CEP350: variants seen among roughly 807,000 people sequenced by gnomAD.
The protein encoded by CEP350 is centrosome-associated protein 350.
Under a neutral mutation model 331.8 loss-of-function variants are expected in CEP350, and 126 were observed. That is an observed-to-expected ratio of 0.38 (90% CI 0.33 to 0.44). The LOEUF (loss-of-function observed/expected upper bound fraction) is 0.44, where lower values mean the gene tolerates loss of function less well. Ranked by LOEUF, CEP350 falls within the 20% of genes least tolerant of loss-of-function variation. The probability of loss-of-function intolerance (pLI) is 1.00; values close to 1 mark genes in which losing one functional copy is unlikely to be tolerated. For synonymous variants in CEP350, 1,200 were observed against 1,259.5 expected, an observed-to-expected ratio of 0.95 and a Z score of 1.00; for missense variants, 3,406 against 3,634.6, an observed-to-expected ratio of 0.94 and a Z score of 1.62.
intron 1 of CEP350, among the ~76,000 whole-genome samples, chr1:179,964,577 A>G (rs1354721971): frequency 1.3e-5 from 2 of 152,086 alleles, no homozygotes; most frequent in African/African-American, 4.8e-5. Flanking sequence ...TGATCTGTTC[A>G]GGATTTCAGT....
At chr1:180,015,584 T>G (rs1300741864) in intron 10 of CEP350, among the ~76,000 whole-genome samples, 2 of 152,308 alleles carry the variant, frequency 1.3e-5, no homozygotes, top group Admixed American at 1.3e-4. Flanking sequence ...TTGCCCACAC[T>G]GGTCTTGAAC....
At chr1:179,968,464 G>A (rs1272894420) in intron 1 of CEP350, among the ~76,000 whole-genome samples, 2 of 152,190 alleles carry the variant, frequency 1.3e-5, no homozygotes, top group Non-Finnish European at 2.9e-5. Flanking sequence ...TCATAAAGAG[G>A]AAGCAAGTAT....
chr1:180,026,285 A>AG (rs1655668230), intron 14 of CEP350, among the ~76,000 whole-genome samples: 1 of 150,796 alleles, frequency 6.6e-6, no homozygotes, highest in Non-Finnish European at 1.5e-5. Context: ...AAAAAAAAAA[A>AG]GTATTTATTT....
intron 1 of CEP350, among the ~76,000 whole-genome samples, chr1:179,967,626 G>A (rs764251695): frequency 6.6e-6 from 1 of 152,014 alleles, no homozygotes; most frequent in Non-Finnish European, 1.5e-5. Flanking sequence ...TGGCCAGGCT[G>A]GTCTCCAACT....
At chr1:180,053,435 A>G (rs906610363) in intron 23 of CEP350, among the ~76,000 whole-genome samples, 2 of 152,174 alleles carry the variant, frequency 1.3e-5, no homozygotes, top group Non-Finnish European at 2.9e-5. Flanking sequence ...CTCTTCTAAT[A>G]CTTTATTCCA....
chr1:179,983,897 A>T (rs1652464244), intron 1 of CEP350, among the ~76,000 whole-genome samples: 1 of 152,236 alleles, frequency 6.6e-6, no homozygotes, highest in Non-Finnish European at 1.5e-5. Context: ...TAAGGTTAAG[A>T]TATAGAGCAG....
Position 180,068,731 on chromosome 1 carries a change from A to G in CEP350, c.5567+3459A>G, listed in dbSNP as rs546139352. ...CATATTATTTATTAATTATACACTT[A>G]CTCTCTCAGCAATTGTTTATTGATT... is the stretch of plus-strand genomic sequence containing the variant. On this transcript the variant is annotated intron_variant, in intron 27 of 37. Transcript: ENST00000367607. Among the ~76,000 whole-genome samples, 13 of 152,142 alleles carry G rather than the reference A, an allele frequency of 8.5e-5. No homozygotes were observed. The South Asian group carries it at 2.5e-3, about 29-fold the overall frequency.
At chr1:180,091,469 C>T (rs1660193252) in intron 33 of CEP350, among the ~76,000 whole-genome samples, 2 of 152,072 alleles carry the variant, frequency 1.3e-5, no homozygotes, top group Non-Finnish European at 2.9e-5. Flanking sequence ...ATATTTTCAG[C>T]CTAACTATTT....
chr1:180,045,263 A>T (rs1330461267), intron 21 of CEP350, among the ~76,000 whole-genome samples: 1 of 152,132 alleles, frequency 6.6e-6, no homozygotes, highest in Admixed American at 6.5e-5. Context: ...AATCTCTTGA[A>T]CTAGGGAGGC....
rs1653471962 is a variant in CEP350, at chr1:179,996,588, G to T, written c.431G>T (p.Ser144Ile). The T allele has an allele frequency of 6.3e-7, 1 of 1,583,352 alleles. No individual in the cohort carries two copies. ...IHGAPSNFSSSHLESKHVYCV... is the reference protein window; with the variant it reads ...IHGAPSNFSSIHLESKHVYCV... ...GGTGCACCTTCCAATTTCAGTTCCA[G>T]CCATCTGGAATCAAAGCACGTATAC... Residue 144 changes from serine to isoleucine, a missense_variant, in exon 6 of 38, where the codon AGC (serine) becomes ATC (isoleucine). Coordinates refer to ENST00000367607, the MANE Select transcript of CEP350 (RefSeq NM_014810.5).
chr1:179,999,969 A>G (rs1483252871), intron 6 of CEP350, among the ~76,000 whole-genome samples: 2 of 152,262 alleles, frequency 1.3e-5, no homozygotes, highest in Non-Finnish European at 2.9e-5. Context: ...TCTTCCTGGT[A>G]TAAATGCCCA....
chr1:179,955,035 G>C lies in CEP350; in HGVS notation c.-121G>C, dbSNP rs1278663094. ...GCACCCGGTGCGTCCCCGGAGCGGG[G>C]AGGCCAGGCCGGGCAGCCCTGGGGC... On this transcript the variant is annotated 5_prime_UTR_variant, in exon 1 of 38. Transcript: ENST00000367607. The C allele has an allele frequency of 1.5e-6, 2 of 1,339,068 alleles. No individual in the cohort carries two copies. The highest frequency in any genetic ancestry group is 1.9e-6 in the Non-Finnish European group (2 of 1,044,788). The allele number at this position is 1,339,068 out of a possible 1,614,324, so 82.9% of individuals were successfully genotyped here.
intron 25 of CEP350, among the ~76,000 whole-genome samples, chr1:180,057,676 G>A (rs1386864124): frequency 6.6e-6 from 1 of 151,860 alleles, no homozygotes; most frequent in African/African-American, 2.4e-5. Flanking sequence ...TTTTATGAGA[G>A]TTTTCTTTTG....
Position 180,052,987 on chromosome 1 carries a change from A to G in CEP350, c.4810A>G (p.Thr1604Ala). 1 of 1,375,708 alleles carries G rather than the reference A, an allele frequency of 7.3e-7. No homozygotes were observed. Among genetic ancestry groups the G allele is most frequent in the Non-Finnish European group, 1.0e-6 (1 of 976,680 alleles). The allele number at this position is 1,375,708 out of a possible 1,614,324, so 85.2% of individuals were successfully genotyped here. ...PDEKDSTSIA[T>A]EYSLKFDESM... ...TCTTTTAGACTCAACGTCTATTGCA[A>G]CAGAATATTCTCTGAAATTTGATGA... The change falls in exon 23 of 38, where the codon ACA becomes GCA. Residue 1604 changes from threonine (T) to alanine (A), a missense_variant. This residue lies in a region of CEP350 where 1,857 missense variants were observed against 1,909.2 expected (regional missense o/e 0.97). Coordinates refer to ENST00000367607, the MANE Select transcript of CEP350 (RefSeq NM_014810.5).
intron 23 of CEP350, among the ~76,000 whole-genome samples, chr1:180,053,479 A>T (rs898484852): frequency 4.6e-5 from 7 of 152,204 alleles, no homozygotes; most frequent in Admixed American, 1.3e-4. Flanking sequence ...ACCAAATTGT[A>T]ATCCTCTTGG....
intron 17 of CEP350, among the ~76,000 whole-genome samples, chr1:180,037,450 G>T (rs1291932227): frequency 1.4e-5 from 2 of 145,806 alleles, no homozygotes; most frequent in African/African-American, 5.1e-5. Context: ...GTACCAAAAA[G>T]AGAAGTTTCT....
chr1:180,046,788 C>A (rs956627072), intron 21 of CEP350, among the ~76,000 whole-genome samples: 1 of 152,182 alleles, frequency 6.6e-6, no homozygotes, highest in Non-Finnish European at 1.5e-5. Flanking sequence ...ACTTGTATCA[C>A]CAGAACTTAG....
intron 1 of CEP350, chr1:179,969,292 C>A (rs567633796): frequency 3.0e-5 from 15 of 497,132 alleles, no homozygotes; most frequent in African/African-American, 2.9e-4. Context: ...CTGCTGAAAA[C>A]GCTGTGACCA....
At position 180,062,433 on chromosome 1, in the gene CEP350, A is replaced by G. The variant is rs1658280666; in HGVS notation, c.5409+67A>G. The G allele has an allele frequency of 6.2e-6, 9 of 1,445,420 alleles. No homozygotes were observed. In the African/African-American group the frequency reaches 7.2e-5, roughly 12 times the overall value. 89.5% of individuals were successfully genotyped at this position (1,445,420 alleles called of 1,614,324 possible). On this transcript the variant is annotated intron_variant, in intron 26 of 37. Transcript: ENST00000367607. ...GATTGTCGGTATCTAACCCTGTCTC[A>G]TGTTCTAAGATAATATTCATTCAAG... is the stretch of plus-strand genomic sequence containing the variant.
Sources: gnomAD v4.1 joint callset for allele counts (sites outside exome capture counted in the v4.1 genomes callset) on GRCh38, gnomAD v4.1.1 for gene constraint, gnomAD v4.1.1 regional missense constraint, MANE v1.5 for transcripts, NCBI Gene and HGNC (gene_info 2026-07-23, HGNC 2026-07-21) for gene names.